NDRG1: variants seen among roughly 807,000 people sequenced by gnomAD.
The protein encoded by NDRG1 is N-myc downstream regulated 1.
Under a neutral mutation model 56.9 loss-of-function variants are expected in NDRG1, and 32 were observed. The observed-to-expected ratio is 0.56, with a 90% confidence interval of 0.42 to 0.76. NDRG1 has a LOEUF of 0.76. Among genes scored for constraint, NDRG1 ranks in the 30% least tolerant of loss-of-function variants. NDRG1 has a pLI of 0.00. For synonymous variants in NDRG1, 211 were observed against 204.1 expected (o/e 1.03, Z -0.29); for missense variants, 507 against 545.7 (o/e 0.93, Z 0.71).
intron 7 of NDRG1, among the ~76,000 whole-genome samples, chr8:133,257,304 CACACACACACACAGAG>C (rs1221616386): frequency 7.0e-5 from 10 of 142,020 alleles, no homozygotes; most frequent in African/African-American, 2.2e-4. Context: ...CACACACACA[CACACACACACACAGAG>C]AGAGAGACAG....
chr8:133,287,810 G>A (rs1189270457), intron 1 of NDRG1, among the ~76,000 whole-genome samples: 2 of 152,202 alleles, frequency 1.3e-5, no homozygotes, highest in East Asian at 3.9e-4. Context: ...ATCTGCAAAC[G>A]TTGCCAAATG....
intron 3 of NDRG1, among the ~76,000 whole-genome samples, chr8:133,278,105 G>C (rs762696178): frequency 1.3e-5 from 2 of 152,106 alleles, no homozygotes; most frequent in South Asian, 2.1e-4. Context: ...GGGCAGCTTC[G>C]ATCAGGCTGA....
At chr8:133,296,690 C>CACAG (rs1373389480) in intron 1 of NDRG1, 3 of 331,740 alleles carry the variant, frequency 9.0e-6, no homozygotes, top group Admixed American at 6.4e-5. Flanking sequence ...CGTTCCCAGA[C>CACAG]ACAGACACAC....
At chr8:133,296,159 C>G (rs1050582875) in intron 1 of NDRG1, among the ~76,000 whole-genome samples, 18 of 152,066 alleles carry the variant, frequency 1.2e-4, no homozygotes, top group Non-Finnish European at 2.5e-4. Context: ...GAGGCTGAAT[C>G]AGAGACCGCG....
intron 15 of NDRG1, 79 bp downstream of exon 15, chr8:133,241,944 C>A (rs1440945400): frequency 1.3e-6 from 2 of 1,553,828 alleles, no homozygotes; most frequent in East Asian, 2.2e-5. Context: ...AATTGCTCAT[C>A]CAAACCTGGC....
At chr8:133,266,348 G>A (rs937404888) in intron 3 of NDRG1, among the ~76,000 whole-genome samples, 1 of 152,250 alleles carries the variant, frequency 6.6e-6, no homozygotes, top group African/African-American at 2.4e-5. Flanking sequence ...TGTTGAACCT[G>A]CTTCTAGAAG....
At position 133,247,880 on chromosome 8, in the gene NDRG1, C is replaced by A. The variant is rs752290896; in HGVS notation, c.802G>T (p.Ala268Ser). The A allele has an allele frequency of 3.1e-6, 5 of 1,614,002 alleles. No individual in the cohort carries two copies. In the African/African-American group the frequency reaches 6.7e-5, roughly 22 times the overall value. ...VVGDSSPAVD[A>S]VVECNSKLDP... ...CAGCTGTGATTTCTACATACCACGGCATCCACTGCAGGCGAGCTGTCCCCA... is the reference window on the plus strand; with the variant it reads ...CAGCTGTGATTTCTACATACCACGGAATCCACTGCAGGCGAGCTGTCCCCA... Residue 268 changes from alanine (A) to serine (S), a missense_variant, in exon 12 of 16, where the codon GCC (alanine) becomes TCC (serine). By Grantham distance (99) the Ala-to-Ser change is moderately conservative. Transcript: ENST00000323851.
chr8:133,276,967 G>T (rs1245032349), intron 3 of NDRG1, among the ~76,000 whole-genome samples: 1 of 152,174 alleles, frequency 6.6e-6, no homozygotes, highest in African/African-American at 2.4e-5. Context: ...GCAAAATGTG[G>T]GGCATACATA....
At chr8:133,250,902 A>C (rs2130700134) in intron 9 of NDRG1, among the ~76,000 whole-genome samples, 1 of 138,138 alleles carries the variant, frequency 7.2e-6, no homozygotes, top group Admixed American at 7.3e-5. Context: ...TGAGCCTCAG[A>C]TCTCTTAAAA....
intron 1 of NDRG1, among the ~76,000 whole-genome samples, chr8:133,290,271 G>A (rs370929560): frequency 3.3e-5 from 5 of 152,236 alleles, no homozygotes; most frequent in South Asian, 4.2e-4. Context: ...TCCAGGTTCC[G>A]CCCACCAGGA....
chr8:133,248,347 T>C (rs1016696887), intron 11 of NDRG1, among the ~76,000 whole-genome samples: 2 of 152,220 alleles, frequency 1.3e-5, no homozygotes, highest in Admixed American at 6.5e-5. Flanking sequence ...TCCATGACTG[T>C]CTTTTCCTCC....
chr8:133,275,061 G>A (rs1005108127), intron 3 of NDRG1, among the ~76,000 whole-genome samples: 5 of 152,150 alleles, frequency 3.3e-5, no homozygotes, highest in Admixed American at 1.3e-4. Context: ...GATACGCCCT[G>A]TAGGCCCCCT....
chr8:133,282,745 A>T (rs1586486712), intron 2 of NDRG1, among the ~76,000 whole-genome samples: 1 of 152,352 alleles, frequency 6.6e-6, no homozygotes, highest in East Asian at 1.9e-4. Flanking sequence ...TCTTGCTATA[A>T]TGGCAAAGTT....
At chr8:133,254,215 G>A (rs940640819) in intron 9 of NDRG1, among the ~76,000 whole-genome samples, 1 of 152,194 alleles carries the variant, frequency 6.6e-6, no homozygotes, top group African/African-American at 2.4e-5. Flanking sequence ...AGGGGCACAA[G>A]GAAACTCTTG....
intron 1 of NDRG1, among the ~76,000 whole-genome samples, chr8:133,294,070 A>G (rs1858591794): frequency 6.6e-6 from 1 of 152,166 alleles, no homozygotes; most frequent in African/African-American, 2.4e-5. Context: ...ACACATTCTG[A>G]TGGCATCATG....
At chr8:133,254,076 CAAAA>C (rs34461027) in intron 9 of NDRG1, among the ~76,000 whole-genome samples, 3 of 128,620 alleles carry the variant, frequency 2.3e-5, no homozygotes, top group African/African-American at 2.6e-5. Context: ...GAAGCCAGAC[CAAAA>C]AAAAAAAAAA....
chr8:133,283,599 A>T (rs1411299990), intron 2 of NDRG1, among the ~76,000 whole-genome samples: 1 of 152,240 alleles, frequency 6.6e-6, no homozygotes, highest in African/African-American at 2.4e-5. Context: ...GTGACTATGC[A>T]TTGCCCATCT....
At chr8:133,283,952 G>C (rs1024410546) in intron 2 of NDRG1, among the ~76,000 whole-genome samples, 1 of 152,228 alleles carries the variant, frequency 6.6e-6, no homozygotes, top group African/African-American at 2.4e-5. Context: ...AGAGCAGAAA[G>C]GCCCAGAGAA....
chr8:133,294,783 TA>T (rs1422258001), intron 1 of NDRG1, among the ~76,000 whole-genome samples: 1 of 152,018 alleles, frequency 6.6e-6, no homozygotes, highest in Non-Finnish European at 1.5e-5. Flanking sequence ...GATTTACACT[TA>T]AAAAAAATCA....
Sources: gnomAD v4.1 joint callset for allele counts (sites outside exome capture counted in the v4.1 genomes callset) on GRCh38, gnomAD v4.1.1 for gene constraint, MANE v1.5 for transcripts, NCBI Gene and HGNC (gene_info 2026-07-23, HGNC 2026-07-21) for gene names.